Variants in GPATCH2L observed in about 807,000 individuals in gnomAD.
The protein encoded by GPATCH2L is G-patch domain containing 2 like, also known as G patch domain-containing protein 2-like.
In GPATCH2L, 31 loss-of-function variants were observed where a neutral mutation model predicts 57.4. The observed-to-expected ratio is 0.54, with a 90% CI of 0.41 to 0.73. The LOEUF is 0.73. Ranked by LOEUF, GPATCH2L falls within the 30% of genes least tolerant of loss-of-function variation. GPATCH2L has a pLI of 0.00. For missense variants in GPATCH2L, 481 were observed against 599.9 expected (o/e 0.80, Z 2.07); for synonymous variants, 199 against 210.7 (o/e 0.94, Z 0.48).
chr14:76,176,031 AC>A (rs889444548), intron 5 of GPATCH2L: 6 of 152,216 alleles, frequency 3.9e-5, no homozygotes, highest in African/African-American at 1.4e-4. Flanking sequence ...AATCTTGAGA[AC>A]CCTGAATTTA....
At chr14:76,220,479 A>G (rs2040509579) in intron 1 of GPATCH2L, among the ~76,000 whole-genome samples, 1 of 152,348 alleles carries the variant, frequency 6.6e-6, no homozygotes, top group African/African-American at 2.4e-5. Context: ...AATGCAACTA[A>G]TAATATAGCT....
chr14:76,189,364 GTCT>G (rs3059807), intron 8 of GPATCH2L, among the ~76,000 whole-genome samples: 31,082 of 151,236 alleles, frequency 0.21, 3,493 homozygotes, highest in African/African-American at 0.3. Flanking sequence ...TTTTTTTGGT[GTCT>G]TCTTCAATTT....
chr14:76,227,230 G>C (rs1436817632), intron 1 of GPATCH2L, among the ~76,000 whole-genome samples: 1 of 152,134 alleles, frequency 6.6e-6, no homozygotes, highest in African/African-American at 2.4e-5. Context: ...AGATACACTG[G>C]GATTCTGACC....
intron 2 of GPATCH2L, among the ~76,000 whole-genome samples, chr14:76,235,181 A>AG (rs1170459760): frequency 4.6e-5 from 7 of 151,924 alleles, no homozygotes; most frequent in Non-Finnish European, 8.8e-5. Context: ...AAAAAAAAAA[A>AG]AAAGAAAAAA....
Position 76,154,523 on chromosome 14 carries a change from C to T in GPATCH2L, c.160C>T (p.Leu54=). 4 of 1,614,238 alleles carry T rather than the reference C, an allele frequency of 2.5e-6. No individual in the cohort carries two copies. Among genetic ancestry groups the T allele is most frequent in the Non-Finnish European group, 3.4e-6 (4 of 1,180,056 alleles). The change falls in exon 2 of 10, where the codon CTG becomes TTG. Residue 54 remains leucine (L), a synonymous_variant. Coordinates refer to ENST00000261530, the MANE Select transcript of GPATCH2L (RefSeq NM_017926.4). This position sits in a 1 kb window ranked among gnomAD's most constrained non-coding sequence, Gnocchi z 4.4. ...GAAGCGTCGTTCTGACTTCACTCAC[C>T]TGGCAGAGCATACCTGCTGCTACAG... ...GRKRRSDFTH[L]AEHTCCYSEA... is the part of the protein sequence containing the mutation.
downstream of GPATCH2L, among the ~76,000 whole-genome samples, chr14:76,216,105 T>C (rs1328047390): frequency 1.3e-5 from 2 of 151,860 alleles, no homozygotes; most frequent in Non-Finnish European, 2.9e-5. Context: ...ATCTGAGATC[T>C]CCCACAAAGT....
chr14:76,226,696 C>T lies in GPATCH2L; in HGVS notation c.66-3112C>T, dbSNP rs114004195. 4.5e-3 allele frequency among the ~76,000 whole-genome samples: 682 copies of T among 152,222 alleles called. 7 individuals are homozygous for T. The highest frequency in any genetic ancestry group is 0.016 in the African/African-American group (652 of 41,534). Reference sequence around the variant, plus strand: ...CGTGGGTTCACCCCCTTCCACCATCCGCTGTGTGAGGATGCAGCAAGAAGG... The same window carrying T: ...CGTGGGTTCACCCCCTTCCACCATCTGCTGTGTGAGGATGCAGCAAGAAGG... On this transcript the variant is annotated intron_variant and NMD_transcript_variant, in intron 1 of 3. Transcript: ENST00000556372.
At chr14:76,186,886 T>G (rs1055530661) in intron 8 of GPATCH2L, among the ~76,000 whole-genome samples, 4 of 152,160 alleles carry the variant, frequency 2.6e-5, no homozygotes, top group African/African-American at 9.7e-5. Context: ...GGAATTAGAT[T>G]AGGGAGAATT....
At chr14:76,187,671 A>G (rs1178805165) in intron 8 of GPATCH2L, among the ~76,000 whole-genome samples, 1 of 152,166 alleles carries the variant, frequency 6.6e-6, no homozygotes, top group Admixed American at 6.5e-5. Flanking sequence ...TAATAATCAC[A>G]TCATGGAGAA....
chr14:76,219,005 C>CAAAAAAAAAAA (rs572896740), downstream of GPATCH2L, among the ~76,000 whole-genome samples: 1 of 73,778 alleles, frequency 1.4e-5, no homozygotes, highest in Non-Finnish European at 3.0e-5. Flanking sequence ...TCTAAAAGTA[C>CAAAAAAAAAAA]AAAAAAAAAA....
rs944650397 is a variant in GPATCH2L at position 76,220,263 on chromosome 14, T to G, written c.66-9545T>G. ...AATATTTTAAAAACCTAACTATATC[T>G]GGCTTTCAAGAGGCATACTTTGAGT... On this transcript the variant is annotated intron_variant and NMD_transcript_variant, in intron 1 of 3. Transcript: ENST00000556372. Among the ~76,000 whole-genome samples, 75 of 152,104 alleles carry G rather than the reference T, an allele frequency of 4.9e-4. 1 individual carries two copies. The highest frequency in any genetic ancestry group is 4.9e-3 in the Admixed American group (75 of 15,250).
chr14:76,180,692 A>ATG, intron 7 of GPATCH2L, 72 bp from the exon 8 acceptor site: 1 of 949,840 alleles, frequency 1.1e-6, no homozygotes, highest in South Asian at 1.3e-5. Context: ...AAGTAATCAA[A>ATG]TGTAGGTTAC....
chr14:76,227,786 C>A (rs1178231420), intron 1 of GPATCH2L, among the ~76,000 whole-genome samples: 1 of 152,116 alleles, frequency 6.6e-6, no homozygotes, highest in African/African-American at 2.4e-5. Flanking sequence ...TTGCCCAATT[C>A]CCCCAACAGG....
Position 76,213,279 on chromosome 14 carries a change from A to G in GPATCH2L, c.*11428A>G, listed in dbSNP as rs1256913119. The G allele has an allele frequency of 6.6e-6, 1 of 152,174 alleles. No homozygotes were observed. Among genetic ancestry groups the G allele is most frequent in the Non-Finnish European group, 1.5e-5 (1 of 68,026 alleles). 9.4% of individuals were successfully genotyped at this position (152,174 alleles called of 1,614,324 possible). A position where few individuals can be genotyped will look rare whatever the true frequency, so the allele number is the denominator to read the frequency against. Reference sequence around the variant, plus strand: ...TTCTTTGCTCAACTGTATGCAAACAATTTAAAAACTTGGATTAAATGGATA... The same window carrying G: ...TTCTTTGCTCAACTGTATGCAAACAGTTTAAAAACTTGGATTAAATGGATA... On this transcript the variant is annotated 3_prime_UTR_variant, in exon 10 of 10. Coordinates refer to ENST00000261530, the MANE Select transcript of GPATCH2L (RefSeq NM_017926.4).
At chr14:76,166,488 A>G (rs141140228) in intron 2 of GPATCH2L, among the ~76,000 whole-genome samples, 175 bp from the exon 3 acceptor site, 7 of 152,308 alleles carry the variant, frequency 4.6e-5, no homozygotes, top group Admixed American at 2.0e-4. Context: ...CTCCTCTTAT[A>G]TTTCTTTTGT....
Position 76,209,061 on chromosome 14 carries a change from C to G in GPATCH2L, c.*7210C>G, listed in dbSNP as rs2040411578. The G allele has an allele frequency of 6.6e-6, 1 of 152,240 alleles. No individual in the cohort carries two copies. Among genetic ancestry groups the G allele is most frequent in the East Asian group, 1.9e-4 (1 of 5,194 alleles). 9.4% of individuals were successfully genotyped at this position (152,240 alleles called of 1,614,324 possible). A position where few individuals can be genotyped will look rare whatever the true frequency, so the allele number is the denominator to read the frequency against. On this transcript the variant is annotated 3_prime_UTR_variant, in exon 10 of 10. Coordinates refer to ENST00000261530, the MANE Select transcript of GPATCH2L (RefSeq NM_017926.4). Reference sequence around the variant, plus strand: ...TGCTGGATTCACCCACCAGTGACTTCTACTATTAAAATTTAGCCCATAGGT... The same window carrying G: ...TGCTGGATTCACCCACCAGTGACTTGTACTATTAAAATTTAGCCCATAGGT...
chr14:76,205,533 T>C lies in GPATCH2L; in HGVS notation c.*3682T>C, dbSNP rs1209877385. The C allele has an allele frequency of 6.6e-6, 1 of 152,238 alleles. No individual in the cohort carries two copies. The highest frequency in any genetic ancestry group is 2.1e-4 in the South Asian group (1 of 4,832). 9.4% of individuals were successfully genotyped at this position (152,238 alleles called of 1,614,324 possible). On this transcript the variant is annotated 3_prime_UTR_variant, in exon 10 of 10. Transcript: ENST00000261530. ...ATAAATCTTCTTAGTCTGTGATGCT[T>C]GTAGCATCCTTTGTTAAGTAAAGCA...
intron 2 of GPATCH2L, among the ~76,000 whole-genome samples, chr14:76,230,957 A>G (rs2040558505): frequency 6.6e-6 from 1 of 152,196 alleles, no homozygotes; most frequent in Admixed American, 6.5e-5. Flanking sequence ...TACTGATCCT[A>G]AATAGTGGCC....
rs989489491 is a variant in GPATCH2L at position 76,207,324 on chromosome 14, G to A, written c.*5473G>A. On this transcript the variant is annotated 3_prime_UTR_variant, in exon 10 of 10. Transcript: ENST00000261530. ...GAGCAAGACCCTGTATCAAAAAATA[G>A]ATAATAAAATAAAAATTGATAAAAA... The A allele has an allele frequency of 6.6e-6, 1 of 152,058 alleles. No individual in the cohort carries two copies. Among genetic ancestry groups the A allele is most frequent in the Admixed American group, 6.6e-5 (1 of 15,248 alleles). 9.4% of individuals were successfully genotyped at this position (152,058 alleles called of 1,614,324 possible).
Sources: allele counts gnomAD v4.1 joint callset (sites outside exome capture counted in the v4.1 genomes callset), GRCh38; gene constraint gnomAD v4.1.1; non-coding constraint Gnocchi (gnomAD v3.1); transcripts MANE v1.5; gene names NCBI Gene and HGNC (gene_info 2026-07-23, HGNC 2026-07-21).